The following ATAD3B variants were observed in gnomAD, a reference collection of about 807,000 sequenced individuals.
ATAD3B encodes ATPase family AAA domain-containing protein 3B.
In ATAD3B, 59 loss-of-function variants were observed where a neutral mutation model predicts 70.2. The observed-to-expected ratio is 0.84, with a 90% confidence interval of 0.68 to 1.04. The LOEUF (loss-of-function observed/expected upper bound fraction) is 1.04, where lower values mean the gene tolerates loss of function less well. ATAD3B is among the 50% of genes least tolerant of loss of function. ATAD3B has a pLI of 0.00. For synonymous variants in ATAD3B, 423 were observed against 388.6 expected (o/e 1.09, Z -1.04); for missense variants, 961 against 913.4 (o/e 1.05, Z -0.67).
Position 1,496,401 on chromosome 1 carries a change from C to A in ATAD3B, c.*584C>A. On this transcript the variant is annotated 3_prime_UTR_variant, in exon 16 of 16. Coordinates refer to ENST00000673477, the MANE Select transcript of ATAD3B (RefSeq NM_031921.6). ...TGCTGCCCGGGACTGCCGCCTGCGC[C>A]CCACCAGCCCCTCCCTCCTGAAGGA... The A allele has an allele frequency of 3.9e-6, 1 of 259,412 alleles. No individual in the cohort carries two copies. The allele number at this position is 259,412 out of a possible 1,614,324, so 16.1% of individuals were successfully genotyped here. A position where few individuals can be genotyped will look rare whatever the true frequency, so the allele number is the denominator to read the frequency against.
intron 8 of ATAD3B, among the ~76,000 whole-genome samples, chr1:1,485,507 G>C (rs1640157539): frequency 6.6e-6 from 1 of 152,124 alleles, no homozygotes; most frequent in Admixed American, 6.6e-5. Flanking sequence ...TCCCTGGGGA[G>C]CCGCGCCGCT....
downstream of ATAD3B, among the ~76,000 whole-genome samples, chr1:1,498,802 G>A (rs537585314): frequency 4.3e-4 from 65 of 151,396 alleles, no homozygotes; most frequent in South Asian, 2.5e-3. Flanking sequence ...GTAAATTTTC[G>A]GTGTCGCAAA....
downstream of ATAD3B, among the ~76,000 whole-genome samples, chr1:1,500,707 A>G (rs1461022808): frequency 2.0e-5 from 3 of 151,324 alleles, no homozygotes; most frequent in East Asian, 5.9e-4. Flanking sequence ...TAATCCCAGC[A>G]CTTTGGGAGG....
the ATAD3B span, among the ~76,000 whole-genome samples, chr1:1,504,572 C>A: frequency 6.6e-6 from 1 of 151,878 alleles, no homozygotes; most frequent in Non-Finnish European, 1.5e-5. Context: ...ATCACTTGAA[C>A]CTGGGAGGCG....
intron 4 of ATAD3B, among the ~76,000 whole-genome samples, chr1:1,480,256 A>T (rs1363110082): frequency 3.4e-5 from 4 of 117,686 alleles, no homozygotes; most frequent in Non-Finnish European, 6.7e-5. Flanking sequence ...GGGCATGCAC[A>T]CACACGCCCT....
intron 8 of ATAD3B, 128 bp downstream of exon 8, chr1:1,485,299 T>C (rs1640146293): frequency 6.9e-7 from 1 of 1,451,796 alleles, no homozygotes; most frequent in East Asian, 2.5e-5. Flanking sequence ...CGCACGCTGC[T>C]TCACGGGTGG....
chr1:1,479,513 C>T (rs1249100635), intron 4 of ATAD3B, among the ~76,000 whole-genome samples: 1 of 143,056 alleles, frequency 7.0e-6, no homozygotes, highest in Non-Finnish European at 1.5e-5. Flanking sequence ...CATGGACAGA[C>T]ACCCGCAAAC....
the ATAD3B span, among the ~76,000 whole-genome samples, chr1:1,507,457 A>G: frequency 4.7e-4 from 71 of 152,260 alleles, no homozygotes; most frequent in Non-Finnish European, 8.7e-4. Flanking sequence ...CACTCTGCTA[A>G]TATTGATTGC....
At chr1:1,504,951 C>A in the ATAD3B span, among the ~76,000 whole-genome samples, 42 of 151,710 alleles carry the variant, frequency 2.8e-4, no homozygotes, top group Non-Finnish European at 5.2e-4. Flanking sequence ...TGTGTGTGTG[C>A]GCGCCAGGCA....
Position 1,491,817 on chromosome 1 carries a change from C to T in ATAD3B, c.1614+1146C>T, listed in dbSNP as rs1640554696. Among the ~76,000 whole-genome samples the T allele has an allele frequency of 1.3e-5, 2 of 151,936 alleles. 1 individual carries two copies. Among genetic ancestry groups the T allele is most frequent in the Non-Finnish European group, 2.9e-5 (2 of 67,952 alleles). On this transcript the variant is annotated intron_variant, in intron 15 of 15. Transcript: ENST00000673477. ...TGACAAAGAGTCCCAGATCTCAAAC[C>T]CCGTCCTTGTGGGTCAGCTGAGGTC...
chr1:1,505,955 A>G, the ATAD3B span, among the ~76,000 whole-genome samples: 1 of 152,130 alleles, frequency 6.6e-6, no homozygotes, highest in African/African-American at 2.4e-5. Flanking sequence ...CTTGCCACCC[A>G]CACACAGTGG....
At chr1:1,482,432 C>A in intron 6 of ATAD3B, 113 bp from the exon 7 acceptor site, 1 of 1,594,362 alleles carries the variant, frequency 6.3e-7, no homozygotes, top group Admixed American at 1.7e-5. Flanking sequence ...GGGCACTGCC[C>A]CTCTGTCCTG....
chr1:1,482,252 A>G lies in ATAD3B; in HGVS notation c.629A>G (p.Gln210Arg), dbSNP rs1319067340. 3.7e-6 allele frequency: 6 copies of G among 1,611,568 alleles called. 1 individual carries two copies. In the South Asian group the frequency reaches 6.6e-5, roughly 18 times the overall value. Residue 210 changes from glutamine to arginine, a missense_variant, in exon 6 of 16, where the codon CAG becomes CGG. By Grantham distance (43) the Gln-to-Arg change is conservative. This residue lies in a region of ATAD3B where 349 missense variants were observed against 307.5 expected (regional missense o/e 1.14). Coordinates refer to ENST00000673477, the MANE Select transcript of ATAD3B (RefSeq NM_031921.6). ...GAGAATGCAGACATCATCCGCGAGC[A>G]GATCCGCCTGAAGGCGTCCGAGCAC... Reference protein sequence around the residue: ...ERENADIIREQIRLKASEHRQ... With the variant: ...ERENADIIRERIRLKASEHRQ...
chr1:1,481,803 G>GCA (rs1639916489), intron 5 of ATAD3B, among the ~76,000 whole-genome samples: 1 of 151,976 alleles, frequency 6.6e-6, no homozygotes, highest in Admixed American at 6.6e-5. Context: ...CCGGCCTGTG[G>GCA]CGCTGTCCCT....
Position 1,477,353 on chromosome 1 carries a change from G to T in ATAD3B, c.282+3G>T, listed in dbSNP as rs747793790. 10 of 1,612,116 alleles carry T rather than the reference G, an allele frequency of 6.2e-6. No homozygotes were observed. The highest frequency in any genetic ancestry group is 3.4e-6 in the Non-Finnish European group (4 of 1,179,682). ...TGGAGCAACAGTCCAAGCTCAAAGT[G>T]AGTGGGGCCGGTGTGGGCGAGGAGG... is the stretch of plus-strand genomic sequence containing the variant. On this transcript the variant is annotated splice_donor_region_variant and intron_variant, in intron 2 of 15. Transcript: ENST00000673477.
intron 12 of ATAD3B, 102 bp downstream of exon 12, chr1:1,488,016 G>T: frequency 2.0e-6 from 3 of 1,490,872 alleles, no homozygotes; most frequent in Non-Finnish European, 2.8e-6. Context: ...TTGCAGTGGC[G>T]CAATCTTGGC....
downstream of ATAD3B, chr1:1,497,857 TAA>T (rs74412160): frequency 7.0e-5 from 8 of 113,586 alleles, no homozygotes; most frequent in Non-Finnish European, 9.4e-5. Context: ...CAGAACTGTT[TAA>T]AAAAAAAAAA....
intron 15 of ATAD3B, among the ~76,000 whole-genome samples, chr1:1,494,323 G>A (rs1333668820): frequency 6.6e-6 from 1 of 151,978 alleles, no homozygotes; most frequent in African/African-American, 2.4e-5. Flanking sequence ...GTGACGTGCA[G>A]CCACTCGGGT....
chr1:1,495,671 G>A lies in ATAD3B; in HGVS notation c.1801G>A (p.Asp601Asn), dbSNP rs767907235. The A allele has an allele frequency of 1.9e-6, 3 of 1,612,830 alleles. No homozygotes were observed. In the African/African-American group the frequency reaches 4.0e-5, roughly 22 times the overall value. ...CCTCACCTCATGGAGCCTGGCCACG[G>A]ACCCCTCCTACCCCTGCCTTGCCGG... ...ETLTSWSLAT[D>N]PSYPCLAGPC... Residue 601 changes from aspartate (D) to asparagine (N), a missense_variant, in exon 16 of 16, where the codon GAC (aspartate) becomes AAC (asparagine). Transcript: ENST00000673477.
Sources: gnomAD v4.1 joint callset for allele counts (sites outside exome capture counted in the v4.1 genomes callset) on GRCh38, gnomAD v4.1.1 for gene constraint, gnomAD v4.1.1 regional missense constraint, MANE v1.5 for transcripts, NCBI Gene and HGNC (gene_info 2026-07-23, HGNC 2026-07-21) for gene names.